SUSD1: variants seen among roughly 807,000 people sequenced by gnomAD.
The protein encoded by SUSD1 is sushi domain containing 1, also known as sushi domain-containing protein 1.
SUSD1 carries 65 observed loss-of-function variants against 86.9 expected under a neutral mutation model. The observed-to-expected ratio is 0.75, with a 90% CI of 0.61 to 0.92. The LOEUF is 0.92. Ranked by LOEUF, SUSD1 falls within the 40% of genes least tolerant of loss-of-function variation. The pLI is 0.00. For synonymous variants in SUSD1, 346 were observed against 350.0 expected (o/e 0.99, Z 0.13); for missense variants, 850 against 929.7 (o/e 0.91, Z 1.11).
intron 15 of SUSD1, among the ~76,000 whole-genome samples, chr9:112,043,992 G>A (rs1033805442): frequency 3.9e-5 from 6 of 151,988 alleles, no homozygotes; most frequent in Admixed American, 2.0e-4. Context: ...TAGAGACAGG[G>A]CTTCACCATG....
In SUSD1 at chr9:112,058,486, G is replaced by C; in HGVS notation, c.2051C>G (p.Pro684Arg). 6.2e-7 allele frequency: 1 copy of C among 1,614,038 alleles called. No individual in the cohort carries two copies. Among genetic ancestry groups the C allele is most frequent in the Non-Finnish European group, 8.5e-7 (1 of 1,179,986 alleles). ...RLYYGEYYNAPLKRGSDYCII... is the reference protein window; with the variant it reads ...RLYYGEYYNARLKRGSDYCII... ...GCAGTAATCACTCCCTCTTTTCAAG[G>C]GTGCATTATAATATTCCCCATAGTA... is the stretch of plus-strand genomic sequence containing the variant. The change falls in exon 14 of 17, where the codon CCC (proline) becomes CGC (arginine). Residue 684 changes from proline (P) to arginine (R), a missense_variant. By Grantham distance (103) the Pro-to-Arg change is moderately radical. Coordinates refer to ENST00000374270, the MANE Select transcript of SUSD1 (RefSeq NM_022486.5).
intron 6 of SUSD1, among the ~76,000 whole-genome samples, chr9:112,122,399 A>G (rs1589686977): frequency 6.6e-6 from 1 of 152,150 alleles, no homozygotes; most frequent in Non-Finnish European, 1.5e-5. Flanking sequence ...GGCTCAAGCA[A>G]TCCTCCTGCC....
At chr9:112,141,193 A>T (rs1832546455) in intron 5 of SUSD1, among the ~76,000 whole-genome samples, 1 of 152,248 alleles carries the variant, frequency 6.6e-6, no homozygotes, top group African/African-American at 2.4e-5. Context: ...GTTTGTTTAC[A>T]CCAGCAATGC....
chr9:112,150,292 C>T (rs1016944271), intron 2 of SUSD1, among the ~76,000 whole-genome samples: 2 of 152,226 alleles, frequency 1.3e-5, no homozygotes, highest in African/African-American at 4.8e-5. Flanking sequence ...TAAGAGGAAA[C>T]TCCTGTGACC....
intron 1 of SUSD1, among the ~76,000 whole-genome samples, chr9:112,163,611 C>A (rs1471741860): frequency 6.6e-6 from 1 of 152,048 alleles, no homozygotes; most frequent in Non-Finnish European, 1.5e-5. Context: ...GCACTCCAGA[C>A]TGGGCAACAG....
chr9:112,063,698 G>GCAC (rs60286489), intron 12 of SUSD1, among the ~76,000 whole-genome samples: 52,911 of 151,894 alleles, frequency 0.35, 11,930 homozygotes, highest in African/African-American at 0.64. Flanking sequence ...CAGCGTTCTT[G>GCAC]CTCACTGGTA....
chr9:112,171,157 G>A (rs1455348012), intron 1 of SUSD1, among the ~76,000 whole-genome samples: 1 of 152,160 alleles, frequency 6.6e-6, no homozygotes, highest in African/African-American at 2.4e-5. Flanking sequence ...GGACTAACCA[G>A]AAAAGCCAGA....
chr9:112,058,804 G>T, intron 13 of SUSD1, 118 bp from the exon 14 acceptor site: 2 of 1,350,866 alleles, frequency 1.5e-6, no homozygotes, highest in Non-Finnish European at 2.0e-6. Flanking sequence ...TTTGTTTTTT[G>T]TTTTTTTTGA....
At chr9:112,116,171 G>C (rs1933218300) in intron 6 of SUSD1, among the ~76,000 whole-genome samples, 1 of 152,228 alleles carries the variant, frequency 6.6e-6, no homozygotes, top group Admixed American at 6.5e-5. Flanking sequence ...TTAGAAAGGA[G>C]TTTTCTTTCT....
At chr9:112,150,452 T>C (rs542274546) in intron 2 of SUSD1, among the ~76,000 whole-genome samples, 3 of 152,226 alleles carry the variant, frequency 2.0e-5, no homozygotes, top group Non-Finnish European at 4.4e-5. Flanking sequence ...CCTCTCACAA[T>C]TGCACTCAAT....
intron 15 of SUSD1, 160 bp downstream of exon 15, chr9:112,052,239 C>T: frequency 2.6e-6 from 4 of 1,538,416 alleles, no homozygotes; most frequent in Non-Finnish European, 3.5e-6. Flanking sequence ...ATCCACTCAC[C>T]CTCCTCCCAT....
At chr9:112,052,193 G>C in intron 15 of SUSD1, 6 of 1,495,432 alleles carry the variant, frequency 4.0e-6, no homozygotes, top group Non-Finnish European at 5.3e-6. Context: ...GAGCCTTCTT[G>C]GTGGGGTAGC....
At chr9:112,148,592 A>G (rs1202810925) in intron 3 of SUSD1, among the ~76,000 whole-genome samples, 5 of 152,114 alleles carry the variant, frequency 3.3e-5, no homozygotes, top group East Asian at 1.9e-4. Context: ...ATCTCCAGAG[A>G]GTCCCTCCTC....
In SUSD1 at chr9:112,139,753, T is replaced by C. The variant is rs142904577; in HGVS notation, c.706+2567A>G. Reference sequence around the variant, plus strand: ...ATAATCACCTGCCTAAAAGACATGATAAAAATAACTTATTTCCAATTAAAA... The same window carrying C: ...ATAATCACCTGCCTAAAAGACATGACAAAAATAACTTATTTCCAATTAAAA... On this transcript the variant is annotated intron_variant, in intron 5 of 16. Transcript: ENST00000374270. 4.6e-5 allele frequency among the ~76,000 whole-genome samples: 7 copies of C among 151,870 alleles called. No homozygotes were observed. In the East Asian group the frequency reaches 1.4e-3, roughly 29 times the overall value.
intron 10 of SUSD1, among the ~76,000 whole-genome samples, chr9:112,085,951 A>AATAAG (rs1264849367): frequency 6.6e-6 from 1 of 152,088 alleles, no homozygotes; most frequent in East Asian, 1.9e-4. Context: ...AATAAAATAA[A>AATAAG]ACAACATAAA....
chr9:112,066,233 T>C (rs1055568448), intron 12 of SUSD1, among the ~76,000 whole-genome samples: 3 of 152,352 alleles, frequency 2.0e-5, no homozygotes, highest in African/African-American at 7.2e-5. Flanking sequence ...GAGAGACCTC[T>C]GTGCCTGAGA....
At chr9:112,119,857 C>T (rs182193185) in intron 6 of SUSD1, among the ~76,000 whole-genome samples, 2 of 152,268 alleles carry the variant, frequency 1.3e-5, no homozygotes, top group East Asian at 3.9e-4. Context: ...AAAGCACATA[C>T]GATTTGTGCT....
At position 112,052,452 on chromosome 9, in the gene SUSD1, CAT is replaced by C. The variant is rs1418503524; in HGVS notation, c.2110-16_2110-15del. ...GTGTCTTCTCACCTATAAAGGAAAA[CAT>C]AGCAATGCATTTAGCTAGGTGGCAC... On this transcript the variant is annotated splice_polypyrimidine_tract_variant and intron_variant, in intron 14 of 16. Transcript: ENST00000374270. 6.2e-7 allele frequency: 1 copy of C among 1,613,860 alleles called. No homozygotes were observed. Among genetic ancestry groups the C allele is most frequent in the Non-Finnish European group, 8.5e-7 (1 of 1,179,980 alleles).
chr9:112,152,020 G>A (rs1218961892), intron 2 of SUSD1, among the ~76,000 whole-genome samples: 1 of 145,924 alleles, frequency 6.9e-6, no homozygotes, highest in African/African-American at 2.6e-5. Flanking sequence ...GGCAACAAGA[G>A]CAAAACTCCA....
Sources: gnomAD v4.1 joint callset for allele counts (sites outside exome capture counted in the v4.1 genomes callset) on GRCh38, gnomAD v4.1.1 for gene constraint, MANE v1.5 for transcripts, NCBI Gene and HGNC (gene_info 2026-07-23, HGNC 2026-07-21) for gene names.